The following NTN4 variants were observed in gnomAD, a reference collection of about 807,000 sequenced individuals.
NTN4 encodes netrin 4, also known as netrin-4.
NTN4 carries 32 observed loss-of-function variants against 73.6 expected under a neutral mutation model. The observed-to-expected ratio is 0.44, with a 90% CI of 0.33 to 0.58. NTN4 has a LOEUF of 0.58. NTN4 is among the 20% of genes least tolerant of loss of function. NTN4 has a pLI of 0.04. For missense variants in NTN4, 654 were observed against 798.3 expected, an observed-to-expected ratio of 0.82 and a Z score of 2.18; for synonymous variants, 258 against 287.5, an observed-to-expected ratio of 0.90 and a Z score of 1.04.
chr12:95,725,608 G>A (rs905065455), intron 3 of NTN4, among the ~76,000 whole-genome samples: 4 of 152,084 alleles, frequency 2.6e-5, no homozygotes, highest in Non-Finnish European at 5.9e-5. Context: ...AGGGCACAGG[G>A]TATTACAAAA....
intron 2 of NTN4, among the ~76,000 whole-genome samples, chr12:95,750,076 C>A (rs201625148): frequency 1.3e-5 from 2 of 152,252 alleles, no homozygotes; most frequent in Non-Finnish European, 2.9e-5. Flanking sequence ...GGGGCAAGTA[C>A]CCCAACCTCG....
At chr12:95,733,353 T>C (rs2121161007) in intron 3 of NTN4, among the ~76,000 whole-genome samples, 1 of 152,302 alleles carries the variant, frequency 6.6e-6, no homozygotes, top group East Asian at 1.9e-4. Context: ...CCCTCAGCCT[T>C]GTAAACATGT....
At chr12:95,719,092 G>A (rs535038027) in intron 3 of NTN4, among the ~76,000 whole-genome samples, 1 of 152,188 alleles carries the variant, frequency 6.6e-6, no homozygotes, top group South Asian at 2.1e-4. Context: ...TATTGTTTGA[G>A]TCTCTTGTTG....
chr12:95,779,842 T>C (rs1057037907), intron 2 of NTN4, among the ~76,000 whole-genome samples: 5 of 152,208 alleles, frequency 3.3e-5, no homozygotes, highest in African/African-American at 7.2e-5. Context: ...AGAGCCTGCA[T>C]TGCCAAGTCA....
chr12:95,671,922 G>A (rs181807074), intron 7 of NTN4, among the ~76,000 whole-genome samples: 2 of 152,138 alleles, frequency 1.3e-5, no homozygotes, highest in African/African-American at 4.8e-5. Flanking sequence ...AGCAGCTAGT[G>A]CTTACTGAGG....
At position 95,787,414 on chromosome 12, in the gene NTN4, C is replaced by A. The variant is rs201957399; in HGVS notation, c.110G>T (p.Arg37Leu). 2.5e-6 allele frequency: 4 copies of A among 1,614,034 alleles called. No homozygotes were observed. Among genetic ancestry groups the A allele is most frequent in the African/African-American group, 1.3e-5 (1 of 74,910 alleles). ...SSRCEKACNPRMGNLALGRKL... is the reference protein window; with the variant it reads ...SSRCEKACNPLMGNLALGRKL... Reference sequence around the variant, plus strand: ...TCGCCCCAAAGCCAAATTTCCCATCCGAGGGTTGCAGGCTTTTTCACAGCG... The same window carrying A: ...TCGCCCCAAAGCCAAATTTCCCATCAGAGGGTTGCAGGCTTTTTCACAGCG... Residue 37 changes from arginine to leucine, a missense_variant, in exon 2 of 10, where the codon CGG becomes CTG. Physicochemically the swap from Arg to Leu is moderately radical, Grantham distance 102. Coordinates refer to ENST00000343702, the MANE Select transcript of NTN4 (RefSeq NM_021229.4).
Position 95,737,949 on chromosome 12 carries a change from T to A in NTN4, c.781A>T (p.Ser261Cys). Residue 261 changes from serine to cysteine, a missense_variant, in exon 3 of 10, where the codon AGC becomes TGC. Ser to Cys is a moderately radical substitution (Grantham distance 112). Coordinates refer to ENST00000343702, the MANE Select transcript of NTN4 (RefSeq NM_021229.4). ...TCAGCGTGGCCATTGCAGAAGCAGC[T>A]GCCCTTGACAATGAAATCATAGATT... ...YAIYDFIVKG[S>C]CFCNGHADQC... The A allele has an allele frequency of 6.2e-7, 1 of 1,614,142 alleles. No individual in the cohort carries two copies. The highest frequency in any genetic ancestry group is 1.1e-5 in the South Asian group (1 of 91,086).
chr12:95,685,716 G>C (rs931504628), intron 5 of NTN4, among the ~76,000 whole-genome samples: 1 of 152,102 alleles, frequency 6.6e-6, no homozygotes, highest in African/African-American at 2.4e-5. Context: ...GTGACTTTGA[G>C]CAAGATACCT....
chr12:95,716,080 C>CA (rs34692653), intron 3 of NTN4, among the ~76,000 whole-genome samples: 59,813 of 138,424 alleles, frequency 0.43, 14,051 homozygotes, highest in Non-Finnish European at 0.56. Flanking sequence ...TCCTACATGT[C>CA]AAAAAAAAAA....
chr12:95,713,827 T>C lies in NTN4; in HGVS notation c.865-489A>G, dbSNP rs186092033. On this transcript the variant is annotated intron_variant, in intron 3 of 9. Transcript: ENST00000343702. ...GTGAATATCTTTCCATTTTGTTAAATATTCTCATATAATACACACCCTAAT... is the reference window on the plus strand; with the variant it reads ...GTGAATATCTTTCCATTTTGTTAAACATTCTCATATAATACACACCCTAAT... Among the ~76,000 whole-genome samples the C allele has an allele frequency of 5.9e-5, 9 of 152,268 alleles. No homozygotes were observed. In the East Asian group the frequency reaches 1.5e-3, roughly 26 times the overall value.
chr12:95,687,907 A>G (rs1449654874), intron 5 of NTN4, among the ~76,000 whole-genome samples: 2 of 152,118 alleles, frequency 1.3e-5, no homozygotes, highest in Non-Finnish European at 2.9e-5. Context: ...TATGTGAAAG[A>G]GCCCATGTGG....
chr12:95,733,559 T>C (rs148674164), intron 3 of NTN4, among the ~76,000 whole-genome samples: 2 of 152,316 alleles, frequency 1.3e-5, no homozygotes, highest in African/African-American at 2.4e-5. Context: ...ATCCTCATTT[T>C]ATTAGAGAAC....
At chr12:95,713,175 A>G (rs2078578341) in intron 4 of NTN4, 37 bp downstream of exon 4, 8 of 1,595,598 alleles carry the variant, frequency 5.0e-6, no homozygotes, top group African/African-American at 1.3e-5. Context: ...TTGACTTTAC[A>G]AAGAAAGCTT....
At chr12:95,693,270 C>T (rs558456496) in intron 5 of NTN4, among the ~76,000 whole-genome samples, 2 of 151,008 alleles carry the variant, frequency 1.3e-5, no homozygotes, top group South Asian at 2.1e-4. Context: ...AACAAACTGC[C>T]TCATTGTAGA....
intron 3 of NTN4, among the ~76,000 whole-genome samples, chr12:95,737,468 C>A (rs1158709177): frequency 6.6e-6 from 1 of 152,110 alleles, no homozygotes; most frequent in Non-Finnish European, 1.5e-5. Flanking sequence ...AGCAAAGATA[C>A]CAGGCATAAA....
intron 5 of NTN4, among the ~76,000 whole-genome samples, chr12:95,708,504 G>A (rs1463714456): frequency 2.0e-5 from 3 of 151,866 alleles, no homozygotes; most frequent in Non-Finnish European, 4.4e-5. Flanking sequence ...AGCCAGGATG[G>A]TCTCGGTCTC....
intron 2 of NTN4, among the ~76,000 whole-genome samples, chr12:95,766,982 A>C (rs1365465491): frequency 2.0e-5 from 3 of 152,190 alleles, no homozygotes; most frequent in Non-Finnish European, 4.4e-5. Context: ...AATCTCATAC[A>C]TTTTACTCAA....
At chr12:95,678,222 C>A (rs1490297588) in intron 7 of NTN4, among the ~76,000 whole-genome samples, 1 of 150,884 alleles carries the variant, frequency 6.6e-6, no homozygotes, top group Non-Finnish European at 1.5e-5. Context: ...AGCATTAGGA[C>A]AAATACCTAA....
At chr12:95,738,700 G>T (rs2078800650) in intron 2 of NTN4, among the ~76,000 whole-genome samples, 1 of 151,788 alleles carries the variant, frequency 6.6e-6, no homozygotes, top group East Asian at 2.0e-4. Flanking sequence ...TCTCTTTTTG[G>T]ATATAAAAGT....
Sources: gnomAD v4.1 joint callset for allele counts (sites outside exome capture counted in the v4.1 genomes callset) on GRCh38, gnomAD v4.1.1 for gene constraint, MANE v1.5 for transcripts, NCBI Gene and HGNC (gene_info 2026-07-23, HGNC 2026-07-21) for gene names.